The following CORIN variants were observed in gnomAD, a reference collection of about 807,000 sequenced individuals.
CORIN encodes the protein atrial natriuretic peptide-converting enzyme.
A neutral mutation model predicts 125.3 loss-of-function variants in CORIN; 117 were observed. That is an observed-to-expected ratio of 0.93 (90% CI 0.80 to 1.09). CORIN has a LOEUF of 1.09. Ranked by LOEUF, CORIN falls within the 50% of genes least tolerant of loss-of-function variation. The pLI is 0.00. For missense variants in CORIN, 1,253 were observed against 1,306.7 expected (o/e 0.96, Z 0.63); for synonymous variants, 450 against 466.4 (o/e 0.96, Z 0.45).
intron 2 of CORIN, among the ~76,000 whole-genome samples, chr4:47,803,283 A>G (rs1731624662): frequency 3.9e-5 from 6 of 152,250 alleles, no homozygotes; most frequent in Admixed American, 3.9e-4. Context: ...ATAGTACTCA[A>G]AGCAATCTGC....
At chr4:47,615,638 T>C (rs1490596782) in intron 19 of CORIN, among the ~76,000 whole-genome samples, 1 of 152,196 alleles carries the variant, frequency 6.6e-6, no homozygotes, top group Non-Finnish European at 1.5e-5. Context: ...AGGGTCCTGC[T>C]TCTACAGGCC....
intron 3 of CORIN, among the ~76,000 whole-genome samples, chr4:47,785,094 G>A (rs1462512276): frequency 6.6e-6 from 1 of 152,186 alleles, no homozygotes; most frequent in African/African-American, 2.4e-5. Flanking sequence ...TCATGAAAGA[G>A]AGAGAAACAC....
At chr4:47,610,521 C>T (rs1721829661) in intron 19 of CORIN, among the ~76,000 whole-genome samples, 1 of 151,794 alleles carries the variant, frequency 6.6e-6, no homozygotes, top group South Asian at 2.1e-4. Context: ...AAATAAATTG[C>T]AATTATTTTT....
intron 3 of CORIN, among the ~76,000 whole-genome samples, chr4:47,776,843 A>C (rs1390612166): frequency 2.0e-5 from 3 of 152,244 alleles, no homozygotes; most frequent in Admixed American, 6.5e-5. Context: ...AAAATGAAGC[A>C]GTTTAATCTG....
At chr4:47,765,895 A>G (rs1729710576) in intron 3 of CORIN, among the ~76,000 whole-genome samples, 1 of 152,104 alleles carries the variant, frequency 6.6e-6, no homozygotes, top group African/African-American at 2.4e-5. Flanking sequence ...TATTAGGGAG[A>G]TTAATGTACT....
chr4:47,655,874 C>T (rs1403309356), intron 12 of CORIN, among the ~76,000 whole-genome samples: 1 of 149,854 alleles, frequency 6.7e-6, no homozygotes, highest in East Asian at 2.0e-4. Context: ...AAGCCTGGTG[C>T]CCAGTGGTTT....
intron 19 of CORIN, among the ~76,000 whole-genome samples, chr4:47,620,644 T>C (rs1722269288): frequency 6.6e-6 from 1 of 152,202 alleles, no homozygotes; most frequent in Admixed American, 6.6e-5. Context: ...AAAATACTCA[T>C]GCCATAATGC....
chr4:47,735,054 A>G (rs1430248006), intron 5 of CORIN, among the ~76,000 whole-genome samples: 1 of 152,264 alleles, frequency 6.6e-6, no homozygotes, highest in Non-Finnish European at 1.5e-5. Flanking sequence ...AAATGAAAGA[A>G]AAACTACATT....
intron 15 of CORIN, chr4:47,642,863 A>G: frequency 6.9e-7 from 1 of 1,456,500 alleles, no homozygotes; most frequent in Non-Finnish European, 9.0e-7. Flanking sequence ...GGTTTTAATG[A>G]AGAGTTTTTA....
chr4:47,704,105 C>A (rs1194382892), intron 5 of CORIN, among the ~76,000 whole-genome samples: 2 of 152,180 alleles, frequency 1.3e-5, no homozygotes, highest in Admixed American at 6.5e-5. Context: ...TTCTCCCAGG[C>A]TCCTCCGCTT....
intron 12 of CORIN, among the ~76,000 whole-genome samples, chr4:47,659,364 C>A (rs1724142727): frequency 6.6e-6 from 1 of 152,162 alleles, no homozygotes; most frequent in South Asian, 2.1e-4. Flanking sequence ...CTGTGTCAGG[C>A]TGTTCTTGTG....
At chr4:47,814,273 G>A (rs575176939) in intron 1 of CORIN, among the ~76,000 whole-genome samples, 21 of 152,068 alleles carry the variant, frequency 1.4e-4, no homozygotes, top group Non-Finnish European at 2.2e-4. Context: ...ATATACTCAC[G>A]AATCTAAAGA....
chr4:47,618,990 T>C (rs916469067), intron 19 of CORIN, among the ~76,000 whole-genome samples: 3 of 152,006 alleles, frequency 2.0e-5, no homozygotes, highest in African/African-American at 4.8e-5. Flanking sequence ...GGTCATATAG[T>C]GGGAGGACAG....
chr4:47,763,617 T>A (rs946916303), intron 3 of CORIN, 31 bp from the exon 4 acceptor site: 1 of 1,555,284 alleles, frequency 6.4e-7, no homozygotes, highest in Non-Finnish European at 8.9e-7. Flanking sequence ...CATTTAAGAG[T>A]GGACACATCA....
chr4:47,720,053 G>A (rs1035748716), intron 5 of CORIN, among the ~76,000 whole-genome samples: 1 of 152,088 alleles, frequency 6.6e-6, no homozygotes, highest in African/African-American at 2.4e-5. Flanking sequence ...CTTTTACTTT[G>A]TGTCTATAGT....
At chr4:47,775,891 T>C (rs1730275193) in intron 3 of CORIN, among the ~76,000 whole-genome samples, 1 of 152,204 alleles carries the variant, frequency 6.6e-6, no homozygotes, top group African/African-American at 2.4e-5. Flanking sequence ...GCTTTGTCTT[T>C]TGTTTTTTGG....
At chr4:47,781,440 TA>T (rs1301435353) in intron 3 of CORIN, among the ~76,000 whole-genome samples, 6 of 152,218 alleles carry the variant, frequency 3.9e-5, no homozygotes, top group Non-Finnish European at 8.8e-5. Context: ...TCCAATATGT[TA>T]TTATAAAATA....
chr4:47,705,214 C>T (rs914781150), intron 5 of CORIN, among the ~76,000 whole-genome samples: 4 of 152,198 alleles, frequency 2.6e-5, no homozygotes, highest in Admixed American at 2.0e-4. Flanking sequence ...ATTATTTTCT[C>T]CCAGTGTTTC....
chr4:47,790,994 G>A (rs1220553054), intron 2 of CORIN, among the ~76,000 whole-genome samples: 1 of 152,080 alleles, frequency 6.6e-6, no homozygotes, highest in Admixed American at 6.6e-5. Flanking sequence ...TTGTAATGAA[G>A]AGATTGGGCA....
Sources: allele counts gnomAD v4.1 joint callset (sites outside exome capture counted in the v4.1 genomes callset), GRCh38; gene constraint gnomAD v4.1.1; transcripts MANE v1.5; gene names NCBI Gene and HGNC (gene_info 2026-07-23, HGNC 2026-07-21).